GRM7: variants seen among roughly 807,000 people sequenced by gnomAD.
GRM7 encodes the protein metabotropic glutamate receptor 7.
In GRM7, 35 loss-of-function variants were observed where a neutral mutation model predicts 84.5. The ratio of observed to expected loss-of-function variants is 0.41; its 90% CI spans 0.32 to 0.55. The LOEUF (loss-of-function observed/expected upper bound fraction) is 0.55. Ranked by LOEUF, GRM7 falls within the 20% of genes least tolerant of loss-of-function variation. GRM7 has a pLI of 0.19. For synonymous variants in GRM7, 487 were observed against 455.1 expected (o/e 1.07, Z -0.89); for missense variants, 1,003 against 1,194.6 (o/e 0.84, Z 2.36).
intron 7 of GRM7, among the ~76,000 whole-genome samples, chr3:7,578,115 C>G (rs74576149): frequency 2.2e-4 from 34 of 152,230 alleles, no homozygotes; most frequent in African/African-American, 7.9e-4. Context: ...GTTATAAATA[C>G]AGCCCCTAAG....
chr3:7,624,964 C>G (rs1389602141), intron 8 of GRM7, among the ~76,000 whole-genome samples: 2 of 152,102 alleles, frequency 1.3e-5, no homozygotes, highest in Non-Finnish European at 2.9e-5. Flanking sequence ...GGGAGAGGGG[C>G]ACTGTTGGCA....
intron 4 of GRM7, among the ~76,000 whole-genome samples, chr3:7,373,403 C>A (rs1227301290): frequency 6.6e-6 from 1 of 152,042 alleles, no homozygotes; most frequent in Non-Finnish European, 1.5e-5. Context: ...ATAAATAAAT[C>A]AGATTATGTG....
intron 7 of GRM7, among the ~76,000 whole-genome samples, chr3:7,489,170 A>T (rs150001018): frequency 9.2e-5 from 14 of 152,276 alleles, no homozygotes; most frequent in African/African-American, 3.1e-4. Context: ...ACTGTGGTTC[A>T]CCATAAGAAA....
At position 6,947,991 on chromosome 3, in the gene GRM7, T is replaced by C. The variant is rs548204479; in HGVS notation, c.519+86084T>C. Among the ~76,000 whole-genome samples the C allele has an allele frequency of 4.4e-3, 666 of 152,226 alleles. 3 individuals carry two copies. Among genetic ancestry groups the C allele is most frequent in the African/African-American group, 0.015 (634 of 41,540 alleles). On this transcript the variant is annotated intron_variant, in intron 1 of 9. Coordinates refer to ENST00000357716, the MANE Select transcript of GRM7 (RefSeq NM_000844.4). Reference sequence around the variant, plus strand: ...TAGCAGTCTATCAATTTTGTTGATCTTTTCAAAAAACCAGCTCCTGGATTC... The same window carrying C: ...TAGCAGTCTATCAATTTTGTTGATCCTTTCAAAAAACCAGCTCCTGGATTC...
intron 5 of GRM7, among the ~76,000 whole-genome samples, chr3:7,425,785 A>G (rs973727341): frequency 6.6e-6 from 1 of 152,210 alleles, no homozygotes; most frequent in African/African-American, 2.4e-5. Flanking sequence ...TACAAAAAAG[A>G]ATACAAAGAA....
In GRM7 at chr3:6,892,317, G is replaced by A. The variant is rs149142953; in HGVS notation, c.519+30410G>A. 1.8e-3 allele frequency among the ~76,000 whole-genome samples: 278 copies of A among 152,174 alleles called. 2 individuals carry two copies. Among genetic ancestry groups the A allele is most frequent in the African/African-American group, 6.4e-3 (264 of 41,518 alleles). ...GCAGCAGTGCCTGGGTCAGCATCCC[G>A]TATCCTGCTCCTGTTGGGTCAGCGA... On this transcript the variant is annotated intron_variant, in intron 1 of 9. Coordinates refer to ENST00000357716, the MANE Select transcript of GRM7 (RefSeq NM_000844.4).
chr3:7,421,424 A>G (rs930848530), intron 5 of GRM7, among the ~76,000 whole-genome samples: 5 of 152,176 alleles, frequency 3.3e-5, no homozygotes, highest in Admixed American at 6.6e-5. Flanking sequence ...GTTGTTTTCT[A>G]TAACTTCACT....
At chr3:6,877,943 A>G (rs2124956104) in intron 1 of GRM7, among the ~76,000 whole-genome samples, 1 of 121,596 alleles carries the variant, frequency 8.2e-6, no homozygotes, top group African/African-American at 3.3e-5. Context: ...TTAACTCAAT[A>G]ACTTACTTTT....
chr3:7,361,589 C>T (rs1216970954), intron 4 of GRM7, among the ~76,000 whole-genome samples: 1 of 152,034 alleles, frequency 6.6e-6, no homozygotes, highest in Admixed American at 6.6e-5. Flanking sequence ...CTGTAGATTA[C>T]CTTATCCTGT....
chr3:7,106,043 C>T (rs997505181), intron 1 of GRM7, among the ~76,000 whole-genome samples: 2 of 151,848 alleles, frequency 1.3e-5, no homozygotes, highest in African/African-American at 4.8e-5. Context: ...GTTGGGGGTA[C>T]ATAGACTTTA....
intron 7 of GRM7, among the ~76,000 whole-genome samples, chr3:7,469,618 A>G (rs1391619246): frequency 6.6e-6 from 1 of 152,126 alleles, no homozygotes; most frequent in East Asian, 1.9e-4. Context: ...AAGCATCAAA[A>G]CAGGAAAGGA....
chr3:6,889,549 T>C (rs1695847271), intron 1 of GRM7, among the ~76,000 whole-genome samples: 1 of 152,190 alleles, frequency 6.6e-6, no homozygotes, highest in Admixed American at 6.5e-5. Flanking sequence ...GATTTGCATA[T>C]ATTGAACCAG....
At chr3:7,358,165 G>A (rs1309646241) in intron 4 of GRM7, among the ~76,000 whole-genome samples, 4 of 152,120 alleles carry the variant, frequency 2.6e-5, no homozygotes, top group Admixed American at 6.5e-5. Context: ...CTATGTGGAG[G>A]CTGGAAGAAG....
chr3:7,103,099 T>C (rs531617353), intron 1 of GRM7, among the ~76,000 whole-genome samples: 2 of 152,014 alleles, frequency 1.3e-5, no homozygotes, highest in East Asian at 1.9e-4. Flanking sequence ...TTTTATCTTA[T>C]ATGTCTCATA....
At chr3:7,345,976 T>C (rs1692874444) in intron 4 of GRM7, among the ~76,000 whole-genome samples, 1 of 152,168 alleles carries the variant, frequency 6.6e-6, no homozygotes, top group South Asian at 2.1e-4. Context: ...TCATAAACTA[T>C]GAATCAAACT....
At chr3:7,163,311 C>T (rs1268179079) in intron 2 of GRM7, among the ~76,000 whole-genome samples, 2 of 152,148 alleles carry the variant, frequency 1.3e-5, no homozygotes, top group Non-Finnish European at 2.9e-5. Context: ...GTGTTTGTCT[C>T]AGTGAATTCT....
At chr3:7,181,795 T>G (rs13082095) in intron 2 of GRM7, among the ~76,000 whole-genome samples, 38,438 of 151,692 alleles carry the variant, frequency 0.25, 5,632 homozygotes, top group Non-Finnish European at 0.34. Context: ...TTATTTTTTG[T>G]GGAGATGAGG....
intron 5 of GRM7, among the ~76,000 whole-genome samples, chr3:7,436,675 C>A (rs1050235981): frequency 6.6e-6 from 1 of 152,196 alleles, no homozygotes; most frequent in East Asian, 1.9e-4. Context: ...AATCAAACTG[C>A]AAACTTGCCT....
intron 8 of GRM7, among the ~76,000 whole-genome samples, chr3:7,666,380 A>C (rs578253590): frequency 1.4e-4 from 22 of 152,332 alleles, no homozygotes; most frequent in African/African-American, 5.1e-4. Flanking sequence ...AAAAATTCAA[A>C]ACATAGCCAG....
Sources: gnomAD v4.1 joint callset for allele counts (sites outside exome capture counted in the v4.1 genomes callset) on GRCh38, gnomAD v4.1.1 for gene constraint, MANE v1.5 for transcripts, NCBI Gene and HGNC (gene_info 2026-07-23, HGNC 2026-07-21) for gene names.